GALK2: variants seen among roughly 807,000 people sequenced by gnomAD.
GALK2 encodes the protein galactokinase 2.
In GALK2, 36 loss-of-function variants were observed where a neutral mutation model predicts 52.4. That is an observed-to-expected ratio of 0.69 (90% CI 0.53 to 0.91). GALK2 has a LOEUF of 0.91. Ranked by LOEUF, GALK2 falls within the 40% of genes least tolerant of loss-of-function variation. The pLI is 0.00. For synonymous variants in GALK2, 176 were observed against 199.1 expected (o/e 0.88, Z 0.98); for missense variants, 579 against 559.1 (o/e 1.04, Z -0.36).
chr15:49,258,837 A>T (rs1397464893), intron 5 of GALK2, among the ~76,000 whole-genome samples: 17 of 146,782 alleles, frequency 1.2e-4, no homozygotes, highest in African/African-American at 3.7e-4. Flanking sequence ...TGTGAGAGAG[A>T]GAGAGAGAGA....
intron 1 of GALK2, among the ~76,000 whole-genome samples, chr15:49,198,216 C>T (rs2087411678): frequency 6.6e-6 from 1 of 152,052 alleles, no homozygotes; most frequent in African/African-American, 2.4e-5. Context: ...CTCTTGTTGC[C>T]CAGGCTGGAG....
intron 7 of GALK2, among the ~76,000 whole-genome samples, chr15:49,288,259 A>G (rs997310080): frequency 6.6e-6 from 1 of 152,180 alleles, no homozygotes; most frequent in East Asian, 1.9e-4. Flanking sequence ...CATGATAAGT[A>G]TTATGGGAAG....
At chr15:49,305,631 A>G (rs144300688) in intron 8 of GALK2, among the ~76,000 whole-genome samples, 1 of 152,370 alleles carries the variant, frequency 6.6e-6, no homozygotes, top group East Asian at 1.9e-4. Flanking sequence ...AAGCAATATA[A>G]AAGTCTACTT....
rs963886632 is a variant in GALK2, at chr15:49,196,351, A to G, written c.54-4811A>G. On this transcript the variant is annotated intron_variant, in intron 1 of 9. Transcript: ENST00000560031. The stretch of plus-strand genomic sequence containing the variant: ...AATGTTATCATTATTTTTAGATTCT[A>G]TCTTTCACTTCATTTCCCCTTTCAC... Among the ~76,000 whole-genome samples, 22 of 152,104 alleles carry G rather than the reference A, an allele frequency of 1.4e-4. 1 individual carries two copies. Among genetic ancestry groups the G allele is most frequent in the Admixed American group, 9.2e-4 (14 of 15,258 alleles).
intron 5 of GALK2, among the ~76,000 whole-genome samples, chr15:49,249,486 T>A (rs140316864): frequency 8.2e-4 from 125 of 152,340 alleles, no homozygotes; most frequent in African/African-American, 2.6e-3. Flanking sequence ...TACAGTTCTC[T>A]GACCTTCCTG....
intron 3 of GALK2, chr15:49,367,373 T>G: frequency 1.8e-5 from 23 of 1,268,996 alleles, no homozygotes; most frequent in Non-Finnish European, 2.2e-5. Flanking sequence ...GTTTCTCAAT[T>G]GAGACATTCA....
chr15:49,189,726 A>G (rs573776021), intron 1 of GALK2, among the ~76,000 whole-genome samples: 2 of 152,294 alleles, frequency 1.3e-5, no homozygotes, highest in East Asian at 3.9e-4. Context: ...GTGGGTGGGT[A>G]GCATATATAG....
downstream of GALK2, among the ~76,000 whole-genome samples, chr15:49,332,325 A>G (rs1456334986): frequency 1.3e-5 from 2 of 152,224 alleles, no homozygotes; most frequent in East Asian, 3.8e-4. Flanking sequence ...GAGAAGAGTA[A>G]AAGAGACTGG....
chr15:49,237,479 T>C (rs1350387641), intron 4 of GALK2, among the ~76,000 whole-genome samples: 1 of 152,094 alleles, frequency 6.6e-6, no homozygotes, highest in Non-Finnish European at 1.5e-5. Flanking sequence ...TGTTTTTGTT[T>C]TTGTTTTTGT....
intron 2 of GALK2, among the ~76,000 whole-genome samples, chr15:49,204,724 A>T (rs958541010): frequency 2.0e-5 from 3 of 152,036 alleles, no homozygotes; most frequent in Non-Finnish European, 4.4e-5. Flanking sequence ...TCCATAAGTT[A>T]TTGGGGTACA....
At chr15:49,333,060 G>A (rs2039079209), downstream of GALK2, among the ~76,000 whole-genome samples, 1 of 152,030 alleles carries the variant, frequency 6.6e-6, no homozygotes, top group East Asian at 1.9e-4. Flanking sequence ...GAACTGCACA[G>A]TATCCTTAGA....
chr15:49,228,688 T>TATATATATATATATATGTATATA, intron 3 of GALK2, among the ~76,000 whole-genome samples: 1 of 10,444 alleles, frequency 9.6e-5, no homozygotes. Context: ...TATATATATA[T>TATATATATATATATATGTATATA]TTTTTTTTTT....
intron 1 of GALK2, among the ~76,000 whole-genome samples, chr15:49,187,780 C>T (rs1390248150): frequency 6.6e-6 from 1 of 152,046 alleles, no homozygotes; most frequent in Non-Finnish European, 1.5e-5. Context: ...CCCAAGGGCT[C>T]TTCTGTCAGC....
At chr15:49,311,268 A>G (rs1160168421) in intron 8 of GALK2, among the ~76,000 whole-genome samples, 1 of 152,164 alleles carries the variant, frequency 6.6e-6, no homozygotes, top group African/African-American at 2.4e-5. Flanking sequence ...TGGGGGAGAG[A>G]GTCCATTGTT....
At chr15:49,192,318 C>T (rs1236583155) in intron 1 of GALK2, among the ~76,000 whole-genome samples, 4 of 151,474 alleles carry the variant, frequency 2.6e-5, no homozygotes, top group South Asian at 2.1e-4. Context: ...TTCTGGAAGT[C>T]GCTAGATCAA....
chr15:49,246,660 A>C (rs569029795), intron 5 of GALK2, among the ~76,000 whole-genome samples: 1 of 152,294 alleles, frequency 6.6e-6, no homozygotes, highest in African/African-American at 2.4e-5. Flanking sequence ...CAGAATATGA[A>C]TTGGACATAA....
At chr15:49,255,796 A>G (rs1359509893) in intron 5 of GALK2, among the ~76,000 whole-genome samples, 1 of 152,154 alleles carries the variant, frequency 6.6e-6, no homozygotes, top group Non-Finnish European at 1.5e-5. Context: ...ATAGTCTTCT[A>G]TTACATGTTT....
chr15:49,179,652 C>CTTTTTTTTTTTTTTTTTTTTTTT (rs71875041), intron 1 of GALK2, among the ~76,000 whole-genome samples: 1 of 138,180 alleles, frequency 7.2e-6, no homozygotes, highest in Non-Finnish European at 1.6e-5. Flanking sequence ...TTGTTTCTTT[C>CTTTTTTTTTTTTTTTTTTTTTTT]TTTTTTTTTT....
At chr15:49,182,236 A>G (rs937730880) in intron 1 of GALK2, among the ~76,000 whole-genome samples, 7 of 152,172 alleles carry the variant, frequency 4.6e-5, no homozygotes, top group Admixed American at 1.3e-4. Context: ...GATGAGTGAG[A>G]ACGTATGAAG....
Sources: allele counts gnomAD v4.1 joint callset (sites outside exome capture counted in the v4.1 genomes callset), GRCh38; gene constraint gnomAD v4.1.1; transcripts MANE v1.5; gene names NCBI Gene and HGNC (gene_info 2026-07-23, HGNC 2026-07-21).